The following CACNA1G variants were observed in gnomAD, a reference collection of about 807,000 sequenced individuals.
CACNA1G encodes the protein calcium voltage-gated channel subunit alpha1 G, also known as voltage-dependent T-type calcium channel subunit alpha-1G.
In CACNA1G, 67 loss-of-function variants were observed where a neutral mutation model predicts 219.4. The ratio of observed to expected loss-of-function variants is 0.31; its 90% CI spans 0.25 to 0.37. The LOEUF is 0.37. CACNA1G is among the 10% of genes least tolerant of loss of function. CACNA1G has a pLI of 1.00. For missense variants in CACNA1G, 2,380 were observed against 3,231.4 expected (o/e 0.74, Z 6.39); for synonymous variants, 1,296 against 1,345.3 (o/e 0.96, Z 0.80).
chr17:50,624,320 TCTCTCCCCCCAC>T, intron 36 of CACNA1G, 28 bp from the exon 37 acceptor site: 5 of 1,457,168 alleles, frequency 3.4e-6, no homozygotes, highest in Non-Finnish European at 4.7e-6. Context: ...CCAGCTCCAT[TCTCTCCCCCCAC>T]CCCTCCCCCG....
chr17:50,592,874 G>A (rs1024110243), intron 13 of CACNA1G, among the ~76,000 whole-genome samples: 3 of 152,160 alleles, frequency 2.0e-5, no homozygotes, highest in Non-Finnish European at 2.9e-5. Context: ...TGGGTGACCC[G>A]GATGGAAACT....
intron 19 of CACNA1G, among the ~76,000 whole-genome samples, chr17:50,601,971 C>G (rs997647790): frequency 1.2e-4 from 19 of 152,106 alleles, no homozygotes; most frequent in Admixed American, 2.6e-4. Context: ...GTGGAGGGAG[C>G]CTGAGGAATG....
At chr17:50,573,310 A>G in intron 7 of CACNA1G, 197 bp downstream of exon 7, 1 of 572,642 alleles carries the variant, frequency 1.7e-6, no homozygotes, top group Non-Finnish European at 3.2e-6. Context: ...GCGGGACTTA[A>G]CTGCTATTGG....
Position 50,626,201 on chromosome 17 carries a change from C to T in CACNA1G, c.6584C>T (p.Ala2195Val), listed in dbSNP as rs1178794869. The change falls in exon 38 of 38, where the codon GCC becomes GTC. Residue 2195 changes from alanine (A) to valine (V), a missense_variant. Around this residue, in one of 17 missense-constraint regions of CACNA1G, gnomAD observed 672 missense variants for 670.5 expected, o/e 1.00. Coordinates refer to ENST00000359106, the MANE Select transcript of CACNA1G (RefSeq NM_018896.5). The surrounding 1 kb of genome is among the most constrained non-coding windows in gnomAD (Gnocchi z 4.3). ...SKISKHMTPP[A>V]PCPGPEPNWG... ...ATCTCCAAGCACATGACCCCGCCAG[C>T]CCCTTGCCCAGGCCCAGAACCCAAC... The T allele has an allele frequency of 3.1e-6, 5 of 1,613,728 alleles. No individual in the cohort carries two copies. Among genetic ancestry groups the T allele is most frequent in the African/African-American group, 1.3e-5 (1 of 74,906 alleles).
intron 34 of CACNA1G, among the ~76,000 whole-genome samples, chr17:50,620,039 T>C (rs770127075): frequency 1.4e-4 from 21 of 152,038 alleles, no homozygotes; most frequent in Non-Finnish European, 2.8e-4. Context: ...GCTGCTGAGA[T>C]TGCCCCTCTG....
At chr17:50,587,275 C>T (rs982899529) in intron 9 of CACNA1G, among the ~76,000 whole-genome samples, 7 of 152,262 alleles carry the variant, frequency 4.6e-5, no homozygotes, top group Non-Finnish European at 1.0e-4. Flanking sequence ...CCACACCCCT[C>T]GGAGCCTCAG....
chr17:50,621,716 G>T lies in CACNA1G; in HGVS notation c.5982G>T (p.Pro1994=). 6.2e-7 allele frequency: 1 copy of T among 1,613,976 alleles called. No homozygotes were observed. The highest frequency in any genetic ancestry group is 8.5e-7 in the Non-Finnish European group (1 of 1,179,852). ...TGACGTCAGAGATTGTGTCTGAACC[G>T]TCCTGCTCTCTAGCTCTGACGGATG... is the stretch of plus-strand genomic sequence containing the variant. ...LSLTSEIVSE[P]SCSLALTDDS... is the part of the protein sequence containing the mutation. Residue 1994 remains proline (P), a synonymous_variant, in exon 35 of 38, where the codon CCG becomes CCT. Coordinates refer to ENST00000359106, the MANE Select transcript of CACNA1G (RefSeq NM_018896.5). This position sits in a 1 kb window ranked among gnomAD's most constrained non-coding sequence, Gnocchi z 4.6.
intron 27 of CACNA1G, 135 bp downstream of exon 27, chr17:50,615,647 C>T: frequency 1.1e-6 from 1 of 893,318 alleles, no homozygotes; most frequent in South Asian, 2.1e-5. Flanking sequence ...TCCTCTTGTG[C>T]CCCTTGGAGG....
In CACNA1G at chr17:50,592,111, C is replaced by T. The variant is rs1175319257; in HGVS notation, c.2910+19C>T. The T allele has an allele frequency of 6.2e-7, 1 of 1,600,814 alleles. No homozygotes were observed. Among genetic ancestry groups the T allele is most frequent in the Admixed American group, 1.7e-5 (1 of 59,314 alleles). On this transcript the variant is annotated intron_variant, in intron 13 of 37. Coordinates refer to ENST00000359106, the MANE Select transcript of CACNA1G (RefSeq NM_018896.5). Reference sequence around the variant, plus strand: ...GGCGGAGGTAACCCACTGCTCTGCCCACCTCACCCTGCCCACAGCAGTCCC... The same window carrying T: ...GGCGGAGGTAACCCACTGCTCTGCCTACCTCACCCTGCCCACAGCAGTCCC...
chr17:50,590,506 C>T lies in CACNA1G; in HGVS notation c.2337C>T (p.Asn779=). Residue 779 remains asparagine (N), a synonymous_variant, in exon 10 of 38, where the codon AAC becomes AAT. Coordinates refer to ENST00000359106, the MANE Select transcript of CACNA1G (RefSeq NM_018896.5). ...EELTNALEIS[N]IVFTSLFALE... is the part of the protein sequence containing the mutation. ...TTACCAACGCCCTAGAAATCAGCAACATCGTCTTCACCAGCCTCTTTGCCC... is the reference window on the plus strand; with the variant it reads ...TTACCAACGCCCTAGAAATCAGCAATATCGTCTTCACCAGCCTCTTTGCCC... 1 of 1,613,994 alleles carries T rather than the reference C, an allele frequency of 6.2e-7. No individual in the cohort carries two copies. The highest frequency in any genetic ancestry group is 8.5e-7 in the Non-Finnish European group (1 of 1,179,882).
At chr17:50,584,335 C>T (rs1348179579) in intron 9 of CACNA1G, among the ~76,000 whole-genome samples, 7 of 151,734 alleles carry the variant, frequency 4.6e-5, no homozygotes, top group Non-Finnish European at 7.4e-5. Context: ...GGAAGAGAGG[C>T]GGTGAAATGA....
In CACNA1G at chr17:50,626,146, G is replaced by A; in HGVS notation, c.6529G>A (p.Ala2177Thr). The A allele has an allele frequency of 6.2e-7, 1 of 1,613,800 alleles. No individual in the cohort carries two copies. Among genetic ancestry groups the A allele is most frequent in the Non-Finnish European group, 8.5e-7 (1 of 1,179,850 alleles). ...TTTCTGGGGCCAGTCAAGTACCCAGGCACAGCAGCACTCCCGCAGCCACAG... is the reference window on the plus strand; with the variant it reads ...TTTCTGGGGCCAGTCAAGTACCCAGACACAGCAGCACTCCCGCAGCCACAG... ...YSFWGQSSTQ[A>T]QQHSRSHSKI... Residue 2177 changes from alanine to threonine, a missense_variant, in exon 38 of 38, where the codon GCA (alanine) becomes ACA (threonine). Physicochemically the swap from Ala to Thr is moderately conservative, Grantham distance 58. Around this residue, in one of 17 missense-constraint regions of CACNA1G, gnomAD observed 672 missense variants for 670.5 expected, o/e 1.00. Coordinates refer to ENST00000359106, the MANE Select transcript of CACNA1G (RefSeq NM_018896.5). This position sits in a 1 kb window ranked among gnomAD's most constrained non-coding sequence, Gnocchi z 4.3.
chr17:50,624,324 T>TGCCCCCCCCCCCCCCCCCCGGGCCCCC, intron 36 of CACNA1G, 36 bp from the exon 37 acceptor site: 2 of 1,177,662 alleles, frequency 1.7e-6, no homozygotes, highest in Non-Finnish European at 2.4e-6. Flanking sequence ...CTCCATTCTC[T>TGCCCCCCCCCCCCCCCCCCGGGCCCCC]CCCCCCACCC....
At chr17:50,620,784 G>C (rs377050531) in intron 34 of CACNA1G, among the ~76,000 whole-genome samples, 2 of 152,242 alleles carry the variant, frequency 1.3e-5, no homozygotes, top group African/African-American at 4.8e-5. Context: ...TTCAGTCTCA[G>C]ATCTGGCAAT....
At position 50,561,621 on chromosome 17, in the gene CACNA1G, G is replaced by A; in HGVS notation, c.162G>A (p.Pro54=). The A allele has an allele frequency of 6.3e-7, 1 of 1,598,160 alleles. No individual in the cohort carries two copies. Among genetic ancestry groups the A allele is most frequent in the Non-Finnish European group, 8.5e-7 (1 of 1,173,520 alleles). The change falls in exon 1 of 38, where the codon CCG becomes CCA. Residue 54 remains proline, a synonymous_variant. Transcript: ENST00000359106. The part of the protein sequence containing the change: ...ADSEAEGLPY[P]ALAPVVFFYL... The stretch of plus-strand genomic sequence containing the variant: ...CCGAGGCGGAGGGGCTGCCGTACCC[G>A]GCGCTGGCCCCGGTGGTTTTCTTCT...
intron 1 of CACNA1G, among the ~76,000 whole-genome samples, chr17:50,568,661 A>G (rs1006603111): frequency 2.6e-5 from 4 of 152,322 alleles, no homozygotes; most frequent in East Asian, 1.9e-4. Context: ...AGCTGGGTCC[A>G]GAGAGGTGAG....
rs1485590727 is a variant in CACNA1G at position 50,621,229 on chromosome 17, C to T, written c.5926-431C>T. The stretch of plus-strand genomic sequence containing the variant: ...GCCCCCCGTGCCGCTCTGTCTGTGC[C>T]GGGAGGAGAGACAGTGCTTTGCTGG... On this transcript the variant is annotated intron_variant, in intron 34 of 37. Coordinates refer to ENST00000359106, the MANE Select transcript of CACNA1G (RefSeq NM_018896.5). The surrounding 1 kb of genome is among the most constrained non-coding windows in gnomAD (Gnocchi z 4.6). Among the ~76,000 whole-genome samples, 1 of 151,178 alleles carries T rather than the reference C, an allele frequency of 6.6e-6. No individual in the cohort carries two copies. The highest frequency in any genetic ancestry group is 6.6e-5 in the Admixed American group (1 of 15,198).
rs1247432907 is a variant in CACNA1G, at chr17:50,621,646, C to T, written c.5926-14C>T. On this transcript the variant is annotated splice_polypyrimidine_tract_variant and intron_variant, in intron 34 of 37. Transcript: ENST00000359106. The surrounding 1 kb of genome is among the most constrained non-coding windows in gnomAD (Gnocchi z 4.6). ...CCTGGTTTCTCATGCCTGATCATCT[C>T]TCTCCCTGTCTAGATCCCTCTAGCT... The T allele has an allele frequency of 6.2e-7, 1 of 1,613,164 alleles. No individual in the cohort carries two copies. The highest frequency in any genetic ancestry group is 8.5e-7 in the Non-Finnish European group (1 of 1,179,326).
rs9893223 is a variant in CACNA1G at position 50,626,625 on chromosome 17, G to A, written c.7008G>A (p.Pro2336=). The stretch of plus-strand genomic sequence containing the variant: ...GTATCTGCCTCCGGAGGAGGGCTCC[G>A]TCCAGCGACTCCAAGGATCCCTTGG... ...SPGICLRRRA[P]SSDSKDPLAS... Residue 2336 remains proline (P), a synonymous_variant, in exon 38 of 38, where the codon CCG becomes CCA. Coordinates refer to ENST00000359106, the MANE Select transcript of CACNA1G (RefSeq NM_018896.5). The surrounding 1 kb of genome is among the most constrained non-coding windows in gnomAD (Gnocchi z 4.3). 0.084 allele frequency: 135,014 copies of A among 1,612,010 alleles called. 10,020 individuals carry two copies. Among genetic ancestry groups the A allele is most frequent in the African/African-American group, 0.36 (26,637 of 74,502 alleles).
Sources: gnomAD v4.1 joint callset for allele counts (sites outside exome capture counted in the v4.1 genomes callset) on GRCh38, gnomAD v4.1.1 for gene constraint, gnomAD v4.1.1 regional missense constraint, Gnocchi (gnomAD v3.1) non-coding constraint, MANE v1.5 for transcripts, NCBI Gene and HGNC (gene_info 2026-07-23, HGNC 2026-07-21) for gene names.